ATG5: variants seen among roughly 807,000 people sequenced by gnomAD.
The protein encoded by ATG5 is autophagy related 5.
In ATG5, 14 loss-of-function variants were observed where a neutral mutation model predicts 36.5. The ratio of observed to expected loss-of-function variants is 0.38; its 90% CI spans 0.25 to 0.60. The LOEUF (loss-of-function observed/expected upper bound fraction) is 0.60, where lower values mean the gene tolerates loss of function less well. Ranked by LOEUF, ATG5 falls within the 20% of genes least tolerant of loss-of-function variation. The probability of loss-of-function intolerance (pLI) is 0.60; values close to 1 mark genes in which losing one functional copy is unlikely to be tolerated. For missense variants in ATG5, 195 were observed against 326.7 expected, an observed-to-expected ratio of 0.60 and a Z score of 3.11; for synonymous variants, 95 against 101.5, an observed-to-expected ratio of 0.94 and a Z score of 0.38.
At chr6:106,220,577 T>C (rs1777207359) in intron 6 of ATG5, among the ~76,000 whole-genome samples, 1 of 152,192 alleles carries the variant, frequency 6.6e-6, no homozygotes, top group African/African-American at 2.4e-5. Context: ...GATAACCCTA[T>C]ATATTACCTA....
intron 1 of ATG5, among the ~76,000 whole-genome samples, chr6:106,320,677 G>C (rs908270913): frequency 6.0e-5 from 9 of 150,224 alleles, no homozygotes; most frequent in African/African-American, 1.7e-4. Flanking sequence ...CACATGGTAA[G>C]TGCTAGGAAA....
intron 4 of ATG5, among the ~76,000 whole-genome samples, chr6:106,286,877 G>A (rs1288995087): frequency 6.6e-6 from 1 of 152,118 alleles, no homozygotes; most frequent in African/African-American, 2.4e-5. Context: ...GTCTACAAGT[G>A]GATTCTCCCT....
In ATG5 at chr6:106,253,208, G is replaced by A. The variant is rs894360098; in HGVS notation, c.479-4964C>T. On this transcript the variant is annotated intron_variant, in intron 5 of 7. Transcript: ENST00000369076. ...AAAGCAGGTTTTCAGTAAGTGACCT[G>A]TATCTTCAAACTCATCTGCCTTATG... Among the ~76,000 whole-genome samples, 3 of 152,218 alleles carry A rather than the reference G, an allele frequency of 2.0e-5. No individual in the cohort carries two copies. The East Asian group carries it at 5.8e-4, about 29-fold the overall frequency.
chr6:106,230,781 G>T (rs1048612824), intron 6 of ATG5, among the ~76,000 whole-genome samples: 1 of 152,094 alleles, frequency 6.6e-6, no homozygotes, highest in Non-Finnish European at 1.5e-5. Flanking sequence ...GCCTGGCAAC[G>T]ATATACTCTT....
chr6:106,282,109 CCAAT>C (rs1163503865), intron 4 of ATG5, among the ~76,000 whole-genome samples: 2 of 152,180 alleles, frequency 1.3e-5, no homozygotes, highest in African/African-American at 2.4e-5. Flanking sequence ...CCTAGCTAAA[CCAAT>C]CAGCTAGGAA....
chr6:106,290,154 G>A (rs1410153806), intron 4 of ATG5, among the ~76,000 whole-genome samples: 1 of 151,322 alleles, frequency 6.6e-6, no homozygotes, highest in African/African-American at 2.4e-5. Context: ...AGCTTCCCAA[G>A]TAGCTGGGAC....
intron 5 of ATG5, among the ~76,000 whole-genome samples, chr6:106,276,127 GAT>G (rs1779634348): frequency 6.6e-6 from 1 of 152,174 alleles, no homozygotes; most frequent in Non-Finnish European, 1.5e-5. Context: ...GGCCTCTACA[GAT>G]ATCAATGAAG....
chr6:106,267,368 G>A (rs1226939034), intron 5 of ATG5, among the ~76,000 whole-genome samples: 1 of 152,198 alleles, frequency 6.6e-6, no homozygotes, highest in East Asian at 1.9e-4. Context: ...AACATTCCAT[G>A]CTCATGGATA....
intron 7 of ATG5, among the ~76,000 whole-genome samples, chr6:106,192,285 T>C: frequency 6.6e-6 from 1 of 152,098 alleles, no homozygotes; most frequent in Non-Finnish European, 1.5e-5. Context: ...CTTTATGTTA[T>C]ACATTTTAAG....
rs1411052333 is a variant in ATG5, at chr6:106,184,875, A to G, written c.*1665T>C. 1 of 152,352 alleles carries G rather than the reference A, an allele frequency of 6.6e-6. No homozygotes were observed. Among genetic ancestry groups the G allele is most frequent in the Non-Finnish European group, 1.5e-5 (1 of 68,018 alleles). 9.4% of individuals were successfully genotyped at this position (152,352 alleles called of 1,614,324 possible). On this transcript the variant is annotated 3_prime_UTR_variant, in exon 8 of 8. Transcript: ENST00000369076. ...AACATCAAGGGGGAAAATCCCCAAA[A>G]TGAACCGACGAATAAACACTCTTAA...
intron 5 of ATG5, among the ~76,000 whole-genome samples, chr6:106,269,346 C>A (rs999764067): frequency 1.3e-5 from 2 of 152,248 alleles, no homozygotes; most frequent in African/African-American, 4.8e-5. Context: ...GACTCAGGAG[C>A]CCAGCTGGCT....
chr6:106,203,295 A>G (rs967983975), intron 6 of ATG5, among the ~76,000 whole-genome samples: 3 of 152,166 alleles, frequency 2.0e-5, no homozygotes, highest in Admixed American at 1.3e-4. Flanking sequence ...TTATCATGAC[A>G]GAGTACAGAG....
intron 3 of ATG5, among the ~76,000 whole-genome samples, chr6:106,299,611 G>A (rs1010619671): frequency 2.6e-5 from 4 of 151,924 alleles, no homozygotes; most frequent in Non-Finnish European, 4.4e-5. Flanking sequence ...TTCAATTCTC[G>A]AAATGAATAT....
At chr6:106,265,733 C>T (rs747063263) in intron 5 of ATG5, among the ~76,000 whole-genome samples, 5 of 151,812 alleles carry the variant, frequency 3.3e-5, no homozygotes, top group Non-Finnish European at 7.4e-5. Context: ...ATGAAAACCG[C>T]TCCTAAATAA....
At chr6:106,235,667 A>G (rs776254921) in intron 6 of ATG5, among the ~76,000 whole-genome samples, 2 of 152,200 alleles carry the variant, frequency 1.3e-5, no homozygotes, top group Non-Finnish European at 2.9e-5. Flanking sequence ...AAAATAGCCA[A>G]TCATCTATCG....
At chr6:106,211,568 G>C (rs1441401444) in intron 6 of ATG5, among the ~76,000 whole-genome samples, 1 of 152,162 alleles carries the variant, frequency 6.6e-6, no homozygotes, top group Non-Finnish European at 1.5e-5. Context: ...AAATTAGCCG[G>C]GAGTGGTGGC....
chr6:106,257,813 A>C (rs1778856887), intron 5 of ATG5, among the ~76,000 whole-genome samples: 1 of 152,232 alleles, frequency 6.6e-6, no homozygotes. Context: ...ATTTGCAAAC[A>C]GTTCATATTG....
intron 5 of ATG5, among the ~76,000 whole-genome samples, chr6:106,248,754 C>G (rs1279087278): frequency 6.6e-6 from 1 of 152,122 alleles, no homozygotes; most frequent in South Asian, 2.1e-4. Flanking sequence ...GCCTGACCAA[C>G]ATGGAGAAAC....
intron 1 of ATG5, among the ~76,000 whole-genome samples, chr6:106,321,217 T>C (rs1454622900): frequency 2.0e-5 from 3 of 152,220 alleles, no homozygotes; most frequent in African/African-American, 7.2e-5. Context: ...TTCACAGGGC[T>C]GTTAGGTGTT....
Sources: gnomAD v4.1 joint callset for allele counts (sites outside exome capture counted in the v4.1 genomes callset) on GRCh38, gnomAD v4.1.1 for gene constraint, MANE v1.5 for transcripts, NCBI Gene and HGNC (gene_info 2026-07-23, HGNC 2026-07-21) for gene names.